Variants in CLDN10 observed in about 807,000 individuals in gnomAD.
CLDN10 encodes claudin 10.
In CLDN10, 15 loss-of-function variants were observed where a neutral mutation model predicts 22.9. The observed-to-expected ratio is 0.65, with a 90% CI of 0.44 to 1.01. The LOEUF is 1.01. Among genes scored for constraint, CLDN10 ranks in the 50% least tolerant of loss-of-function variants. The pLI is 0.00. For synonymous variants in CLDN10, 114 were observed against 111.4 expected (o/e 1.02, Z -0.15); for missense variants, 247 against 287.8 (o/e 0.86, Z 1.03).
At chr13:95,560,842 A>G (rs1303820988) in intron 3 of CLDN10, 5 of 187,518 alleles carry the variant, frequency 2.7e-5, no homozygotes, top group African/African-American at 1.2e-4. Context: ...TGCCCACTCA[A>G]AATGATATTT....
At chr13:95,517,933 CAAA>C (rs35780641) in intron 1 of CLDN10, among the ~76,000 whole-genome samples, 58 of 94,070 alleles carry the variant, frequency 6.2e-4, no homozygotes, top group African/African-American at 2.1e-3. Flanking sequence ...AACTCCACCT[CAAA>C]AAAAAAAAAA....
At chr13:95,510,794 C>T (rs891618513) in intron 1 of CLDN10, among the ~76,000 whole-genome samples, 2 of 151,898 alleles carry the variant, frequency 1.3e-5, no homozygotes, top group Non-Finnish European at 2.9e-5. Context: ...AATTATATTG[C>T]TAGGAAATTA....
intron 3 of CLDN10, among the ~76,000 whole-genome samples, chr13:95,565,130 G>GAAA (rs202000245): frequency 6.8e-6 from 1 of 146,328 alleles, no homozygotes; most frequent in African/African-American, 2.5e-5. Flanking sequence ...TAACAAATCT[G>GAAA]AAAAAAAAAA....
chr13:95,513,700 T>C (rs1364172499), intron 1 of CLDN10, among the ~76,000 whole-genome samples: 1 of 142,094 alleles, frequency 7.0e-6, no homozygotes, highest in Admixed American at 6.8e-5. Flanking sequence ...TAGATACATA[T>C]TGGATATATT....
At chr13:95,473,309 C>T (rs2139104662) in intron 1 of CLDN10, among the ~76,000 whole-genome samples, 1 of 152,236 alleles carries the variant, frequency 6.6e-6, no homozygotes, top group East Asian at 1.9e-4. Flanking sequence ...TTAATAGATG[C>T]AACAAACCAC....
chr13:95,508,245 A>G lies in CLDN10; in HGVS notation c.215-51887A>G, dbSNP rs1434494000. Among the ~76,000 whole-genome samples the G allele has an allele frequency of 2.0e-5, 3 of 152,214 alleles. No individual in the cohort carries two copies. In the East Asian group the frequency reaches 5.8e-4, roughly 29 times the overall value. ...TGCATTCCCTAAAACTACCTAATATAAGGTCACCATTAACATTCTTGTGGC... is the reference window on the plus strand; with the variant it reads ...TGCATTCCCTAAAACTACCTAATATGAGGTCACCATTAACATTCTTGTGGC... On this transcript the variant is annotated intron_variant, in intron 1 of 4. Transcript: ENST00000376873.
rs766827012 is a variant in CLDN10 at position 95,560,453 on chromosome 13, G to C, written c.454G>C (p.Val152Leu). 4 of 1,612,836 alleles carry C rather than the reference G, an allele frequency of 2.5e-6. No homozygotes were observed. Among genetic ancestry groups the C allele is most frequent in the Non-Finnish European group, 3.4e-6 (4 of 1,178,956 alleles). The change falls in exon 3 of 5, where the codon GTT becomes CTT. Residue 152 changes from valine to leucine, a missense_variant. By Grantham distance (32) the Val-to-Leu change is conservative. Coordinates refer to ENST00000299339, the MANE Select transcript of CLDN10 (RefSeq NM_006984.5). The part of the protein sequence containing the change: ...ITTEFFDPLF[V>L]EQKYELGAAL... ...AACGGAATTCTTTGATCCTCTCTTT[G>C]TTGAGCAAAAGTAAGTACTCTTCTC...
At chr13:95,444,858 T>C (rs2042357383) in intron 1 of CLDN10, among the ~76,000 whole-genome samples, 1 of 152,184 alleles carries the variant, frequency 6.6e-6, no homozygotes, top group Non-Finnish European at 1.5e-5. Context: ...GCAGTGGTGC[T>C]ATCTCGGCTC....
intron 1 of CLDN10, among the ~76,000 whole-genome samples, chr13:95,491,022 C>T (rs910578752): frequency 1.3e-5 from 2 of 152,156 alleles, no homozygotes; most frequent in African/African-American, 4.8e-5. Context: ...CTCTTTGTCT[C>T]TTCTAACTGC....
intron 1 of CLDN10, among the ~76,000 whole-genome samples, chr13:95,556,490 C>T (rs2043641500): frequency 6.6e-6 from 1 of 152,180 alleles, no homozygotes; most frequent in South Asian, 2.1e-4. Context: ...GCTCTAATTT[C>T]TGCTTAGAAT....
chr13:95,560,234 G>A lies in CLDN10; in HGVS notation c.323G>A (p.Gly108Asp), dbSNP rs1460107499. The change falls in exon 2 of 5, where the codon GGC becomes GAC. Residue 108 changes from glycine (G) to aspartate (D), a missense_variant. Physicochemically the swap from Gly to Asp is moderately conservative, Grantham distance 94 (BLOSUM62 -1). Coordinates refer to ENST00000299339, the MANE Select transcript of CLDN10 (RefSeq NM_006984.5). ...LFGMKCTKVG[G>D]SDKAKAKIAC... ...GGAATGAAGTGTACCAAAGTCGGAG[G>A]CTCCGATAAAGCCAAAGCTAAAATT... 6.2e-7 allele frequency: 1 copy of A among 1,614,180 alleles called. No individual in the cohort carries two copies. The highest frequency in any genetic ancestry group is 8.5e-7 in the Non-Finnish European group (1 of 1,180,020).
chr13:95,486,018 G>C (rs748976118), intron 1 of CLDN10, among the ~76,000 whole-genome samples: 3 of 152,172 alleles, frequency 2.0e-5, no homozygotes, highest in African/African-American at 4.8e-5. Context: ...TCCCCCCAGG[G>C]TATAAAACCC....
intron 1 of CLDN10, among the ~76,000 whole-genome samples, chr13:95,513,374 A>G (rs2043126370): frequency 1.3e-5 from 2 of 152,232 alleles, no homozygotes; most frequent in South Asian, 4.1e-4. Flanking sequence ...AATGTGTTCT[A>G]TGCTAAAGAT....
rs568490337 is a variant in CLDN10 at position 95,469,044 on chromosome 13, G to GA, written c.214+35003dup. Among the ~76,000 whole-genome samples, 55 of 151,148 alleles carry GA rather than the reference G, an allele frequency of 3.6e-4. No homozygotes were observed. The South Asian group carries it at 0.01, about 28-fold the overall frequency. On this transcript the variant is annotated intron_variant, in intron 1 of 4. Transcript: ENST00000376873. ...TACTATCAGAAAATATCATATCAGA[G>GA]AAAAAATTATTCTAAAAAGAGAATT... is the stretch of plus-strand genomic sequence containing the variant.
At chr13:95,523,667 C>T (rs2043245221) in intron 1 of CLDN10, among the ~76,000 whole-genome samples, 1 of 152,194 alleles carries the variant, frequency 6.6e-6, no homozygotes, top group African/African-American at 2.4e-5. Flanking sequence ...TTTTCAGACT[C>T]ATGGCCTTAA....
intron 1 of CLDN10, among the ~76,000 whole-genome samples, chr13:95,440,758 C>T (rs549739584): frequency 1.9e-4 from 29 of 152,314 alleles, no homozygotes; most frequent in Middle Eastern, 3.4e-3. Flanking sequence ...ATTGGACTTT[C>T]GCAGTAGAAT....
chr13:95,513,609 A>T (rs941613206), intron 1 of CLDN10, among the ~76,000 whole-genome samples: 2 of 142,070 alleles, frequency 1.4e-5, no homozygotes, highest in African/African-American at 4.9e-5. Context: ...TTATTTTTTT[A>T]AACTTAGAGA....
At chr13:95,477,873 G>A (rs570371380) in intron 1 of CLDN10, among the ~76,000 whole-genome samples, 27 of 152,328 alleles carry the variant, frequency 1.8e-4, no homozygotes, top group African/African-American at 4.1e-4. Context: ...GGAGGAAAAC[G>A]TGTGGTTCGT....
intron 1 of CLDN10, among the ~76,000 whole-genome samples, chr13:95,495,761 A>AAAAG: frequency 6.8e-6 from 1 of 147,994 alleles, no homozygotes; most frequent in Non-Finnish European, 1.5e-5. Flanking sequence ...AAAAAAAAGA[A>AAAAG]AAGAAAGAAA....
Sources: gnomAD v4.1 joint callset for allele counts (sites outside exome capture counted in the v4.1 genomes callset) on GRCh38, gnomAD v4.1.1 for gene constraint, MANE v1.5 for transcripts, NCBI Gene and HGNC (gene_info 2026-07-23, HGNC 2026-07-21) for gene names.